The following TPTE variants were observed in gnomAD, a reference collection of about 807,000 sequenced individuals.
TPTE encodes putative tyrosine-protein phosphatase TPTE.
Under a neutral mutation model 84.1 loss-of-function variants are expected in TPTE, and 59 were observed. That is an observed-to-expected ratio of 0.70 (90% CI 0.57 to 0.87). The LOEUF is 0.87. TPTE is among the 40% of genes least tolerant of loss of function. The pLI, the probability that TPTE is intolerant of heterozygous loss-of-function variation, is 0.00. For missense variants in TPTE, 382 were observed against 659.6 expected (o/e 0.58, Z 4.61); for synonymous variants, 130 against 223.5 (o/e 0.58, Z 3.73).
rs1242474961 is a variant in TPTE at position 10,538,565 on chromosome 21, C to T, written c.-43-116C>T. The T allele has an allele frequency of 4.5e-5, 67 of 1,488,746 alleles. No homozygotes were observed. In the Middle Eastern group the frequency reaches 1.2e-3, roughly 27 times the overall value. The allele number at this position is 1,488,746 out of a possible 1,614,324, so 92.2% of individuals were successfully genotyped here. ...TTTCAGAACCAAATAGTGCTATACA[C>T]ATGAATAGTCAGAACTTAACTGGTT... is the stretch of plus-strand genomic sequence containing the variant. On this transcript the variant is annotated intron_variant, in intron 3 of 23. Coordinates refer to ENST00000618007, the MANE Select transcript of TPTE (RefSeq NM_199261.4).
chr21:10,596,436 T>C (rs2075590653), intron 20 of TPTE, among the ~76,000 whole-genome samples: 1 of 152,310 alleles, frequency 6.6e-6, no homozygotes, highest in Non-Finnish European at 1.5e-5. Context: ...CCCTCAAGCC[T>C]GCTTATTTCT....
chr21:10,524,058 A>G (rs574819783), intron 1 of TPTE, among the ~76,000 whole-genome samples: 198 of 152,316 alleles, frequency 1.3e-3, no homozygotes, highest in African/African-American at 4.6e-3. Flanking sequence ...CCATTCTACA[A>G]GAATCACAAG....
chr21:10,535,797 C>G (rs1261551040), intron 3 of TPTE, among the ~76,000 whole-genome samples: 18 of 152,304 alleles, frequency 1.2e-4, no homozygotes, highest in Non-Finnish European at 2.9e-5. Context: ...GCTGGTGCCC[C>G]AAACCCAAAC....
At chr21:10,541,020 C>G in intron 4 of TPTE, 92 bp from the exon 5 acceptor site, 2 of 1,563,422 alleles carry the variant, frequency 1.3e-6, no homozygotes, top group South Asian at 1.1e-5. Flanking sequence ...AAAAGTGTAA[C>G]TGGGGAATGA....
chr21:10,552,061 C>T (rs1445391567), intron 7 of TPTE, among the ~76,000 whole-genome samples: 4 of 152,310 alleles, frequency 2.6e-5, no homozygotes, highest in Non-Finnish European at 5.9e-5. Flanking sequence ...GCAACCACCA[C>T]TCTGATCAGT....
intron 17 of TPTE, among the ~76,000 whole-genome samples, chr21:10,587,051 A>C: frequency 6.6e-6 from 1 of 152,308 alleles, no homozygotes; most frequent in South Asian, 2.1e-4. Flanking sequence ...AATTTTAGTG[A>C]ATGCTTTTTC....
intron 7 of TPTE, among the ~76,000 whole-genome samples, chr21:10,552,416 CAG>C (rs59051181): frequency 2.3e-3 from 350 of 152,116 alleles, no homozygotes; most frequent in Non-Finnish European, 3.5e-3. Flanking sequence ...TAGAAAGAGA[CAG>C]AGAGAGAAAA....
At chr21:10,553,877 T>G (rs2074627690) in intron 8 of TPTE, among the ~76,000 whole-genome samples, 1 of 152,312 alleles carries the variant, frequency 6.6e-6, no homozygotes, top group East Asian at 1.9e-4. Flanking sequence ...AAAAAATTAG[T>G]AATAAAATGA....
intron 3 of TPTE, among the ~76,000 whole-genome samples, chr21:10,533,659 A>C (rs1430974312): frequency 1.3e-5 from 2 of 152,308 alleles, no homozygotes; most frequent in Non-Finnish European, 2.9e-5. Context: ...TTATATAGTC[A>C]GTCTCACTGA....
chr21:10,544,022 A>G (rs2074421391), intron 7 of TPTE, among the ~76,000 whole-genome samples: 3 of 152,306 alleles, frequency 2.0e-5, no homozygotes, highest in Admixed American at 2.0e-4. Context: ...ACTGTGTCTC[A>G]TGGGCAGGAG....
chr21:10,526,270 T>C (rs1273657757), intron 2 of TPTE, among the ~76,000 whole-genome samples: 1 of 152,306 alleles, frequency 6.6e-6, no homozygotes, highest in African/African-American at 2.4e-5. Flanking sequence ...GCTAACGAGA[T>C]GCGATAATTT....
intron 3 of TPTE, among the ~76,000 whole-genome samples, chr21:10,528,262 A>C (rs1300473436): frequency 6.6e-6 from 1 of 152,308 alleles, no homozygotes. Context: ...AATCCTTTGC[A>C]CTGACTCCAA....
At chr21:10,571,029 C>A (rs1342595540) in intron 14 of TPTE, among the ~76,000 whole-genome samples, 3 of 152,238 alleles carry the variant, frequency 2.0e-5, no homozygotes, top group African/African-American at 7.2e-5. Flanking sequence ...GCAGAGCCAC[C>A]ATTTGCCTCA....
In TPTE at chr21:10,605,325, T is replaced by G. The variant is rs1979148357; in HGVS notation, c.1521-92T>G. 4 of 1,490,288 alleles carry G rather than the reference T, an allele frequency of 2.7e-6. No homozygotes were observed. In the East Asian group the frequency reaches 9.6e-5, roughly 36 times the overall value. The allele number at this position is 1,490,288 out of a possible 1,614,324, so 92.3% of individuals were successfully genotyped here. On this transcript the variant is annotated intron_variant, in intron 23 of 23. Coordinates refer to ENST00000618007, the MANE Select transcript of TPTE (RefSeq NM_199261.4). ...GGTTCTATTCATGGTGAGGTTCTTT[T>G]TTTGTTTCTTCCAGCTCTAACGTGG...
At chr21:10,533,079 A>G (rs931275332) in intron 3 of TPTE, among the ~76,000 whole-genome samples, 12 of 152,296 alleles carry the variant, frequency 7.9e-5, no homozygotes, top group South Asian at 2.1e-4. Flanking sequence ...TTAGATTTCC[A>G]TATTCTAGAT....
chr21:10,551,780 G>A (rs1204937094), intron 7 of TPTE, among the ~76,000 whole-genome samples: 1 of 152,306 alleles, frequency 6.6e-6, no homozygotes, highest in East Asian at 1.9e-4. Context: ...ACTATTATGA[G>A]CAACTCTACA....
intron 17 of TPTE, among the ~76,000 whole-genome samples, 173 bp from the exon 18 acceptor site, chr21:10,590,289 A>T (rs2075443588): frequency 6.6e-6 from 1 of 152,310 alleles, no homozygotes; most frequent in African/African-American, 2.4e-5. Flanking sequence ...TTCACCTGTG[A>T]GATGGAGGTC....
At chr21:10,543,853 A>G (rs2074416854) in intron 7 of TPTE, among the ~76,000 whole-genome samples, 1 of 152,306 alleles carries the variant, frequency 6.6e-6, no homozygotes, top group South Asian at 2.1e-4. Context: ...GCAGCCAATA[A>G]GGAGTAGTGA....
At chr21:10,545,681 GTATA>G (rs886225171) in intron 7 of TPTE, among the ~76,000 whole-genome samples, 2 of 152,122 alleles carry the variant, frequency 1.3e-5, no homozygotes, top group African/African-American at 4.8e-5. Flanking sequence ...GTGTGTGTGT[GTATA>G]TATACAGATA....
Sources: gnomAD v4.1 joint callset for allele counts (sites outside exome capture counted in the v4.1 genomes callset) on GRCh38, gnomAD v4.1.1 for gene constraint, MANE v1.5 for transcripts, NCBI Gene and HGNC (gene_info 2026-07-23, HGNC 2026-07-21) for gene names.